The following PCDH15 variants were observed in gnomAD, a reference collection of about 807,000 sequenced individuals.
The protein encoded by PCDH15 is protocadherin related 15.
In PCDH15, 129 loss-of-function variants were observed where a neutral mutation model predicts 178.5. The observed-to-expected ratio is 0.72, with a 90% confidence interval of 0.63 to 0.84. PCDH15 has a LOEUF of 0.84. PCDH15 is among the 40% of genes least tolerant of loss of function. PCDH15 has a pLI of 0.00. For missense variants in PCDH15, 2,230 were observed against 2,099.9 expected (o/e 1.06, Z -1.21); for synonymous variants, 800 against 732.0 (o/e 1.09, Z -1.50).
chr10:54,982,306 T>C (rs1206355993), intron 2 of PCDH15, among the ~76,000 whole-genome samples: 13 of 152,076 alleles, frequency 8.5e-5, no homozygotes, highest in Admixed American at 7.2e-4. Flanking sequence ...ACAGTGAAGA[T>C]AAACTAAACA....
intron 1 of PCDH15, among the ~76,000 whole-genome samples, chr10:55,217,616 A>T (rs1840743628): frequency 1.3e-5 from 2 of 151,924 alleles, no homozygotes; most frequent in Non-Finnish European, 1.5e-5. Context: ...TATATTCATA[A>T]TGCTGAATCA....
At chr10:55,357,155 A>G (rs1288263776) in intron 2 of PCDH15, among the ~76,000 whole-genome samples, 1 of 152,000 alleles carries the variant, frequency 6.6e-6, no homozygotes, top group African/African-American at 2.4e-5. Flanking sequence ...GATGTAAACA[A>G]GTCAAAAGCT....
chr10:54,383,982 T>A (rs1949598559), intron 3 of PCDH15, among the ~76,000 whole-genome samples: 1 of 91,016 alleles, frequency 1.1e-5, no homozygotes, highest in Non-Finnish European at 2.1e-5. Flanking sequence ...CCACAAACAG[T>A]TAATTTTTTT....
chr10:55,050,470 A>G (rs569573236), intron 2 of PCDH15, among the ~76,000 whole-genome samples: 1 of 152,004 alleles, frequency 6.6e-6, no homozygotes, highest in African/African-American at 2.4e-5. Context: ...CTTGTGTCCT[A>G]TGAGATGTTT....
intron 2 of PCDH15, among the ~76,000 whole-genome samples, chr10:55,045,891 T>G (rs1840991686): frequency 6.6e-6 from 1 of 151,932 alleles, no homozygotes; most frequent in Non-Finnish European, 1.5e-5. Flanking sequence ...TTCCCCGACT[T>G]TTCACTTGGA....
chr10:55,079,623 G>A (rs541489157), intron 2 of PCDH15, among the ~76,000 whole-genome samples: 62 of 152,244 alleles, frequency 4.1e-4, no homozygotes, highest in African/African-American at 1.4e-3. Flanking sequence ...AGTGGGCCAG[G>A]TGGGCAGGCA....
chr10:55,384,492 C>T (rs1035768835), intron 2 of PCDH15, among the ~76,000 whole-genome samples: 7 of 151,908 alleles, frequency 4.6e-5, no homozygotes, highest in African/African-American at 1.7e-4. Context: ...AATTAATTGC[C>T]ATTACAAAAT....
At chr10:55,308,994 T>C (rs1005997570) in intron 1 of PCDH15, among the ~76,000 whole-genome samples, 1 of 152,094 alleles carries the variant, frequency 6.6e-6, no homozygotes, top group Non-Finnish European at 1.5e-5. Flanking sequence ...CCATAAACAA[T>C]AGTCTCATGA....
chr10:53,830,666 T>G (rs2076963134), intron 30 of PCDH15, among the ~76,000 whole-genome samples: 1 of 152,172 alleles, frequency 6.6e-6, no homozygotes, highest in Admixed American at 6.5e-5. Flanking sequence ...ATAAGTTAAA[T>G]ACAATTTTAA....
At chr10:54,395,796 T>C (rs187640059) in intron 3 of PCDH15, among the ~76,000 whole-genome samples, 2 of 152,284 alleles carry the variant, frequency 1.3e-5, no homozygotes, top group Admixed American at 1.3e-4. Context: ...ATGCTGTATC[T>C]GAGAATGTGA....
At chr10:54,177,586 CA>C (rs35753317) in intron 13 of PCDH15, among the ~76,000 whole-genome samples, 1 of 151,328 alleles carries the variant, frequency 6.6e-6, no homozygotes, top group African/African-American at 2.4e-5. Context: ...TAAAACTGCT[CA>C]AAAAAAATCT....
chr10:55,311,560 G>A (rs1445457048), intron 1 of PCDH15, among the ~76,000 whole-genome samples: 2 of 152,184 alleles, frequency 1.3e-5, no homozygotes, highest in African/African-American at 4.8e-5. Flanking sequence ...TTCTTGAAAA[G>A]TTATAAAAAG....
At chr10:54,379,354 TAAGA>T (rs1446263645) in intron 3 of PCDH15, among the ~76,000 whole-genome samples, 3 of 152,158 alleles carry the variant, frequency 2.0e-5, no homozygotes, top group African/African-American at 7.2e-5. Flanking sequence ...ATTGTGAAAC[TAAGA>T]AAGGAAGAGG....
chr10:53,827,497 C>A lies in PCDH15; in HGVS notation c.4263G>T (p.Ala1421=), dbSNP rs372661520. The A allele has an allele frequency of 8.7e-6, 14 of 1,613,954 alleles. No individual in the cohort carries two copies. In the African/African-American group the frequency reaches 1.7e-4, roughly 20 times the overall value. Reference sequence around the variant, plus strand: ...CAGGAGCCGGCACTGCTGGTTTAGCCGCGGGTAATGCGGCCTGAATTCGTG... The same window carrying A: ...CAGGAGCCGGCACTGCTGGTTTAGCAGCGGGTAATGCGGCCTGAATTCGTG... ...KTARIQAALP[A]AKPAVPAPAP... Residue 1421 remains alanine, a synonymous_variant, in exon 32 of 38, where the codon GCG becomes GCT. Coordinates refer to ENST00000644397, the MANE Select transcript of PCDH15 (RefSeq NM_001384140.1).
At chr10:53,882,932 C>T (rs904178784) in intron 26 of PCDH15, among the ~76,000 whole-genome samples, 3 of 151,826 alleles carry the variant, frequency 2.0e-5, no homozygotes, top group South Asian at 4.2e-4. Flanking sequence ...AGAAAAATAC[C>T]ATTAAATGCA....
chr10:53,905,049 A>T (rs989652621), intron 25 of PCDH15: 21 of 410,196 alleles, frequency 5.1e-5, no homozygotes, highest in African/African-American at 3.5e-4. Flanking sequence ...CTTACCTCCC[A>T]ACCCTAACTT....
intron 2 of PCDH15, among the ~76,000 whole-genome samples, chr10:54,990,706 C>T (rs1839478888): frequency 6.6e-6 from 1 of 151,934 alleles, no homozygotes; most frequent in African/African-American, 2.4e-5. Flanking sequence ...ATATCTGTTG[C>T]CATTTTAGTC....
intron 2 of PCDH15, among the ~76,000 whole-genome samples, chr10:55,532,536 A>G (rs1008342309): frequency 1.3e-5 from 2 of 152,082 alleles, no homozygotes; most frequent in Non-Finnish European, 2.9e-5. Flanking sequence ...AGAAACTAGT[A>G]ATTTGAAGAA....
chr10:54,486,674 T>A lies in PCDH15; in HGVS notation c.157+41138A>T, dbSNP rs560904688. Among the ~76,000 whole-genome samples the A allele has an allele frequency of 3.2e-4, 48 of 152,124 alleles. No individual in the cohort carries two copies. The East Asian group carries it at 7.6e-3, about 24-fold the overall frequency. ...CTTGTTAGCAGTAAAAATCTTGATTTTTTTTGTAAGTCTAAAAGACTGTAA... is the reference window on the plus strand; with the variant it reads ...CTTGTTAGCAGTAAAAATCTTGATTATTTTTGTAAGTCTAAAAGACTGTAA... On this transcript the variant is annotated intron_variant, in intron 3 of 37. Coordinates refer to ENST00000644397, the MANE Select transcript of PCDH15 (RefSeq NM_001384140.1).
Sources: allele counts gnomAD v4.1 joint callset (sites outside exome capture counted in the v4.1 genomes callset), GRCh38; gene constraint gnomAD v4.1.1; transcripts MANE v1.5; gene names NCBI Gene and HGNC (gene_info 2026-07-23, HGNC 2026-07-21).